The following SLC35F4 variants were observed in gnomAD, a reference collection of about 807,000 sequenced individuals.
The protein encoded by SLC35F4 is chromosome 14 open reading frame 36.
SLC35F4 carries 24 observed loss-of-function variants against 44.2 expected under a neutral mutation model. The ratio of observed to expected loss-of-function variants is 0.54; its 90% CI spans 0.39 to 0.76. The LOEUF (loss-of-function observed/expected upper bound fraction) is 0.76, where lower values mean the gene tolerates loss of function less well. Among genes scored for constraint, SLC35F4 ranks in the 30% least tolerant of loss-of-function variants. SLC35F4 has a pLI of 0.00. For missense variants in SLC35F4, 562 were observed against 586.1 expected, an observed-to-expected ratio of 0.96 and a Z score of 0.42; for synonymous variants, 238 against 223.6, an observed-to-expected ratio of 1.06 and a Z score of -0.57.
chr14:57,774,942 A>G (rs1037945256), intron 1 of SLC35F4, among the ~76,000 whole-genome samples: 2 of 151,142 alleles, frequency 1.3e-5, no homozygotes, highest in Middle Eastern at 3.4e-3. Flanking sequence ...CTGCTCTTCT[A>G]CCCCCCACCA....
intron 1 of SLC35F4, among the ~76,000 whole-genome samples, chr14:57,644,257 C>T (rs1003756218): frequency 3.3e-5 from 5 of 152,170 alleles, no homozygotes; most frequent in Non-Finnish European, 5.9e-5. Flanking sequence ...GTTCCTATTT[C>T]TCCACATCCT....
intron 1 of SLC35F4, among the ~76,000 whole-genome samples, chr14:57,741,875 T>C (rs975982817): frequency 1.1e-4 from 16 of 152,216 alleles, no homozygotes; most frequent in African/African-American, 3.6e-4. Flanking sequence ...AGCAGATCTC[T>C]TGGTACAAAC....
At chr14:57,735,990 C>T (rs1245777841) in intron 1 of SLC35F4, among the ~76,000 whole-genome samples, 1 of 152,292 alleles carries the variant, frequency 6.6e-6, no homozygotes, top group Non-Finnish European at 1.5e-5. Flanking sequence ...GCTGGGATTA[C>T]AGGCACAAGT....
chr14:57,761,477 A>G (rs2077123449), intron 1 of SLC35F4, among the ~76,000 whole-genome samples: 1 of 152,168 alleles, frequency 6.6e-6, no homozygotes. Context: ...ACTTAGAACA[A>G]AAATTGTGTA....
intron 1 of SLC35F4, among the ~76,000 whole-genome samples, chr14:57,856,155 C>T (rs902318322): frequency 1.3e-5 from 2 of 151,870 alleles, no homozygotes; most frequent in African/African-American, 4.9e-5. Context: ...TACAGGCATG[C>T]ACCACCATGC....
At chr14:57,955,555 G>A (rs1028072960) in intron 1 of SLC35F4, among the ~76,000 whole-genome samples, 3 of 152,094 alleles carry the variant, frequency 2.0e-5, no homozygotes, top group Non-Finnish European at 4.4e-5. Context: ...CAACTCAGCC[G>A]AAAATCTCCT....
At chr14:57,719,006 T>C (rs2076012343) in intron 1 of SLC35F4, among the ~76,000 whole-genome samples, 1 of 152,206 alleles carries the variant, frequency 6.6e-6, no homozygotes, top group Non-Finnish European at 1.5e-5. Flanking sequence ...TTTGATAAGA[T>C]TTTTGTATAA....
At chr14:57,802,646 C>A (rs1443431117) in intron 1 of SLC35F4, among the ~76,000 whole-genome samples, 2 of 152,106 alleles carry the variant, frequency 1.3e-5, no homozygotes, top group African/African-American at 4.8e-5. Context: ...ACCACTGACT[C>A]CACAGAAATA....
intron 1 of SLC35F4, among the ~76,000 whole-genome samples, chr14:57,725,451 C>T (rs2076178988): frequency 6.6e-6 from 1 of 152,196 alleles, no homozygotes; most frequent in Non-Finnish European, 1.5e-5. Context: ...ATGGAATAAA[C>T]ACTTACTCCA....
intron 1 of SLC35F4, among the ~76,000 whole-genome samples, chr14:57,784,438 C>A (rs897393074): frequency 4.6e-5 from 7 of 152,112 alleles, no homozygotes; most frequent in Admixed American, 1.3e-4. Flanking sequence ...AATTACAACA[C>A]TTTGGGAGGC....
chr14:57,728,878 G>A (rs1292742035), intron 1 of SLC35F4, among the ~76,000 whole-genome samples: 1 of 152,100 alleles, frequency 6.6e-6, no homozygotes, highest in Non-Finnish European at 1.5e-5. Context: ...GCTTTTGTTT[G>A]TCTGAGGTTT....
At chr14:57,621,131 A>T (rs1240333202) in intron 1 of SLC35F4, among the ~76,000 whole-genome samples, 1 of 151,916 alleles carries the variant, frequency 6.6e-6, no homozygotes, top group Non-Finnish European at 1.5e-5. Flanking sequence ...GACCTCTTCA[A>T]GAAGAACTAC....
intron 1 of SLC35F4, among the ~76,000 whole-genome samples, chr14:57,954,453 T>C (rs940708813): frequency 6.6e-6 from 1 of 151,854 alleles, no homozygotes; most frequent in Non-Finnish European, 1.5e-5. Flanking sequence ...TAGAGACACA[T>C]AAAACCCTTC....
intron 1 of SLC35F4, among the ~76,000 whole-genome samples, chr14:57,765,456 C>T (rs1157638002): frequency 2.0e-5 from 3 of 152,104 alleles, no homozygotes; most frequent in Admixed American, 6.5e-5. Context: ...ACCACAGACA[C>T]GAGCATTTTA....
intron 1 of SLC35F4, among the ~76,000 whole-genome samples, chr14:57,774,560 G>A (rs1453111349): frequency 6.6e-6 from 1 of 152,168 alleles, no homozygotes; most frequent in Admixed American, 6.5e-5. Flanking sequence ...ACCCTGCGAG[G>A]TAGTCTTGCC....
intron 1 of SLC35F4, among the ~76,000 whole-genome samples, chr14:57,947,600 G>C (rs550168935): frequency 6.6e-6 from 1 of 152,050 alleles, no homozygotes; most frequent in African/African-American, 2.4e-5. Context: ...TCTTTGACTT[G>C]TTCCAGTTCT....
intron 1 of SLC35F4, among the ~76,000 whole-genome samples, chr14:57,821,574 C>T (rs1883181553): frequency 6.6e-6 from 1 of 152,328 alleles, no homozygotes; most frequent in Admixed American, 6.5e-5. Flanking sequence ...TAGGAAAGTT[C>T]ACTTAATAAC....
At position 57,608,086 on chromosome 14, in the gene SLC35F4, T is replaced by C. The variant is rs80263585; in HGVS notation, c.104-13962A>G. On this transcript the variant is annotated intron_variant, in intron 1 of 7. Coordinates refer to ENST00000556826, the MANE Select transcript of SLC35F4 (RefSeq NM_001306087.2). ...CCAAGGAGAGATGGTCAGTGGGCAG[T>C]TGGACACACAGATCTAGAGTTCAGA... Among the ~76,000 whole-genome samples the C allele has an allele frequency of 3.7e-3, 556 of 152,252 alleles. 3 individuals carry two copies. Among genetic ancestry groups the C allele is most frequent in the African/African-American group, 0.013 (544 of 41,536 alleles).
chr14:57,639,972 C>T (rs10873102), intron 1 of SLC35F4, among the ~76,000 whole-genome samples: 94,310 of 151,696 alleles, frequency 0.62, 29,797 homozygotes, highest in Non-Finnish European at 0.68. Flanking sequence ...GAAACAAACT[C>T]TTCTTCAAAG....
Sources: gnomAD v4.1 joint callset for allele counts (sites outside exome capture counted in the v4.1 genomes callset) on GRCh38, gnomAD v4.1.1 for gene constraint, MANE v1.5 for transcripts, NCBI Gene and HGNC (gene_info 2026-07-23, HGNC 2026-07-21) for gene names.